Variants in DIP2B observed in about 807,000 individuals in gnomAD.
DIP2B encodes disco-interacting protein 2 homolog B.
DIP2B carries 76 observed loss-of-function variants against 198.0 expected under a neutral mutation model. The observed-to-expected ratio is 0.38, with a 90% confidence interval of 0.32 to 0.46. DIP2B has a LOEUF of 0.46. Among genes scored for constraint, DIP2B ranks in the 20% least tolerant of loss-of-function variants. The pLI, the probability that DIP2B is intolerant of heterozygous loss-of-function variation, is 0.99. For missense variants in DIP2B, 1,559 were observed against 1,978.4 expected, an observed-to-expected ratio of 0.79 and a Z score of 4.02; for synonymous variants, 701 against 739.1, an observed-to-expected ratio of 0.95 and a Z score of 0.84.
intron 3 of DIP2B, chr12:50,654,901 T>A: frequency 3.2e-6 from 1 of 307,874 alleles, no homozygotes; most frequent in East Asian, 7.7e-5. Context: ...GGTGGGGAAG[T>A]AGGTATACCT....
At chr12:50,518,729 G>T (rs1958088503) in intron 1 of DIP2B, among the ~76,000 whole-genome samples, 2 of 140,172 alleles carry the variant, frequency 1.4e-5, no homozygotes, top group South Asian at 5.1e-4. Context: ...TTTTCCTTAG[G>T]ATACAACTTC....
In DIP2B at chr12:50,505,214, C is replaced by CGGAGCT. The variant is rs1302143211; in HGVS notation, c.87_92dup (p.Glu30_Leu31dup). ...CCGCCTGAAGTGCGGGCGCAGCTGGCGGAGCTGGAGCTGGAGCTCTCGGAG... is the reference window on the plus strand; with the variant it reads ...CCGCCTGAAGTGCGGGCGCAGCTGGCGGAGCTGGAGCTGGAGCTGGAGCTCTCGGAG... On this transcript the variant is annotated inframe_insertion, in exon 1 of 38. Transcript: ENST00000301180. 2.6e-6 allele frequency: 4 copies of CGGAGCT among 1,521,150 alleles called. 1 individual carries two copies. The highest frequency in any genetic ancestry group is 5.1e-5 in the East Asian group (2 of 39,046). The allele number at this position is 1,521,150 out of a possible 1,614,324, so 94.2% of individuals were successfully genotyped here. A position where few individuals can be genotyped will look rare whatever the true frequency, so the allele number is the denominator to read the frequency against.
intron 1 of DIP2B, among the ~76,000 whole-genome samples, chr12:50,570,149 TGAA>T (rs1050007426): frequency 1.2e-4 from 19 of 152,330 alleles, no homozygotes; most frequent in African/African-American, 2.4e-4. Context: ...TGATTTAAAA[TGAA>T]GAAGTTCTCC....
At chr12:50,707,222 A>G (rs919205603) in intron 21 of DIP2B, among the ~76,000 whole-genome samples, 9 of 152,242 alleles carry the variant, frequency 5.9e-5, no homozygotes, top group Non-Finnish European at 1.2e-4. Flanking sequence ...CTGTTCAGCA[A>G]TTTGCAATCG....
chr12:50,687,899 T>TAAA (rs546984188), intron 12 of DIP2B, among the ~76,000 whole-genome samples: 1 of 133,596 alleles, frequency 7.5e-6, no homozygotes, highest in African/African-American at 2.8e-5. Flanking sequence ...AAAGTAAAAT[T>TAAA]AAAAAAAAAA....
intron 1 of DIP2B, among the ~76,000 whole-genome samples, chr12:50,561,144 AACTT>A (rs1278515552): frequency 6.6e-6 from 1 of 152,180 alleles, no homozygotes; most frequent in Non-Finnish European, 1.5e-5. Context: ...AAAGCTAGAT[AACTT>A]ACCTTTTCTT....
intron 12 of DIP2B, among the ~76,000 whole-genome samples, chr12:50,688,971 C>T (rs976510893): frequency 2.0e-5 from 3 of 152,178 alleles, no homozygotes; most frequent in Non-Finnish European, 4.4e-5. Flanking sequence ...TGGGATCCTC[C>T]TATTACCCAC....
chr12:50,631,447 G>T (rs184100916), intron 2 of DIP2B, among the ~76,000 whole-genome samples: 8 of 151,856 alleles, frequency 5.3e-5, no homozygotes, highest in Non-Finnish European at 1.0e-4. Flanking sequence ...GGATGGTCTC[G>T]ATCTCTTGAC....
chr12:50,538,623 G>GTT (rs57823997), intron 1 of DIP2B, among the ~76,000 whole-genome samples: 1 of 151,196 alleles, frequency 6.6e-6, no homozygotes. Context: ...TTCTTCCTGA[G>GTT]TTTTTTTTTG....
chr12:50,670,665 C>T (rs1938836758), intron 4 of DIP2B, among the ~76,000 whole-genome samples: 1 of 152,124 alleles, frequency 6.6e-6, no homozygotes, highest in South Asian at 2.1e-4. Context: ...GATCTGCCTG[C>T]CTCAGCCTCC....
At chr12:50,548,871 C>T (rs1958400300) in intron 1 of DIP2B, among the ~76,000 whole-genome samples, 1 of 152,170 alleles carries the variant, frequency 6.6e-6, no homozygotes, top group Admixed American at 6.5e-5. Context: ...TGTTTTTCTG[C>T]ACATCACAAG....
At chr12:50,604,876 G>A (rs1413570368) in intron 1 of DIP2B, among the ~76,000 whole-genome samples, 1 of 152,096 alleles carries the variant, frequency 6.6e-6, no homozygotes, top group Non-Finnish European at 1.5e-5. Flanking sequence ...ATCAATGAGA[G>A]TTCCACAGAT....
At chr12:50,668,321 G>A (rs747085587) in intron 4 of DIP2B, among the ~76,000 whole-genome samples, 17 of 152,150 alleles carry the variant, frequency 1.1e-4, no homozygotes, top group African/African-American at 2.2e-4. Flanking sequence ...TCAAATGGAC[G>A]AATAAGTAAA....
At chr12:50,625,116 AGGTT>A (rs1370402187) in intron 1 of DIP2B, among the ~76,000 whole-genome samples, 6 of 152,316 alleles carry the variant, frequency 3.9e-5, no homozygotes, top group Admixed American at 3.3e-4. Flanking sequence ...TTATTTTAAA[AGGTT>A]CTTTTTCAGA....
chr12:50,626,960 T>C (rs1447842851), intron 2 of DIP2B, among the ~76,000 whole-genome samples: 1 of 152,210 alleles, frequency 6.6e-6, no homozygotes, highest in Non-Finnish European at 1.5e-5. Context: ...ATTTCCTGTA[T>C]TGTTCTTGGA....
chr12:50,729,810 A>G (rs887355282), intron 30 of DIP2B, among the ~76,000 whole-genome samples: 5 of 149,350 alleles, frequency 3.3e-5, no homozygotes, highest in East Asian at 2.0e-4. Flanking sequence ...GCTCACTGCA[A>G]CCTCCACCTC....
At chr12:50,533,365 T>C (rs1188637048) in intron 1 of DIP2B, among the ~76,000 whole-genome samples, 1 of 152,244 alleles carries the variant, frequency 6.6e-6, no homozygotes, top group African/African-American at 2.4e-5. Context: ...TTTCTTTTGC[T>C]GTCAGCCTTA....
chr12:50,657,663 ATG>A (rs1229681265), intron 3 of DIP2B, among the ~76,000 whole-genome samples: 3 of 152,176 alleles, frequency 2.0e-5, no homozygotes, highest in African/African-American at 7.2e-5. Flanking sequence ...AATTATTTCT[ATG>A]GTATTTCTGC....
At chr12:50,699,864 AACACAC>A (rs56369651) in intron 19 of DIP2B, among the ~76,000 whole-genome samples, 93,904 of 145,860 alleles carry the variant, frequency 0.64, 30,695 homozygotes, top group Non-Finnish European at 0.69. Context: ...CCCTGTCTCA[AACACAC>A]ACACACACAC....
Sources: gnomAD v4.1 joint callset for allele counts (sites outside exome capture counted in the v4.1 genomes callset) on GRCh38, gnomAD v4.1.1 for gene constraint, MANE v1.5 for transcripts, NCBI Gene and HGNC (gene_info 2026-07-23, HGNC 2026-07-21) for gene names.